TOM1L2: variants seen among roughly 807,000 people sequenced by gnomAD.
The protein encoded by TOM1L2 is TOM1-like protein 2.
A neutral mutation model predicts 67.9 loss-of-function variants in TOM1L2; 31 were observed. The ratio of observed to expected loss-of-function variants is 0.46; its 90% CI spans 0.34 to 0.62. The LOEUF is 0.62. Among genes scored for constraint, TOM1L2 ranks in the 20% least tolerant of loss-of-function variants. TOM1L2 has a pLI of 0.01. For missense variants in TOM1L2, 606 were observed against 663.5 expected (o/e 0.91, Z 0.95); for synonymous variants, 256 against 254.0 (o/e 1.01, Z -0.07).
At chr17:17,855,545 G>A (rs1402286297) in intron 12 of TOM1L2, among the ~76,000 whole-genome samples, 2 of 152,162 alleles carry the variant, frequency 1.3e-5, no homozygotes, top group Middle Eastern at 3.2e-3. Context: ...CCTGAGAGCC[G>A]CCCGGCCCTA....
chr17:17,855,969 A>G (rs1455714999), intron 12 of TOM1L2, among the ~76,000 whole-genome samples: 5 of 152,154 alleles, frequency 3.3e-5, no homozygotes, highest in Non-Finnish European at 7.4e-5. Flanking sequence ...AAAGAAAAAA[A>G]AAAAAACAAA....
chr17:17,894,852 A>G (rs1203761907), intron 3 of TOM1L2, among the ~76,000 whole-genome samples: 1 of 152,070 alleles, frequency 6.6e-6, no homozygotes, highest in Non-Finnish European at 1.5e-5. Context: ...AATCGCTTGA[A>G]CCTGGGAGGT....
At chr17:17,860,714 T>A (rs537837675) in intron 12 of TOM1L2, among the ~76,000 whole-genome samples, 6 of 152,344 alleles carry the variant, frequency 3.9e-5, no homozygotes, top group African/African-American at 9.6e-5. Context: ...CAAACAGACG[T>A]GCATTCATAC....
At chr17:17,956,983 C>T (rs1007741973) in intron 1 of TOM1L2, among the ~76,000 whole-genome samples, 2 of 152,192 alleles carry the variant, frequency 1.3e-5, no homozygotes, top group African/African-American at 4.8e-5. Flanking sequence ...GCTGAGGAGG[C>T]GCCTGAGAGC....
intron 1 of TOM1L2, among the ~76,000 whole-genome samples, chr17:17,951,308 G>C (rs2041198473): frequency 6.6e-6 from 1 of 152,134 alleles, no homozygotes; most frequent in African/African-American, 2.4e-5. Context: ...AGATTTAGAG[G>C]AAACAGAATC....
At chr17:17,855,245 G>C (rs1453452441) in intron 12 of TOM1L2, among the ~76,000 whole-genome samples, 1 of 152,322 alleles carries the variant, frequency 6.6e-6, no homozygotes, top group East Asian at 1.9e-4. Flanking sequence ...GGAGAGGCAT[G>C]TCTGTCTGGT....
intron 1 of TOM1L2, among the ~76,000 whole-genome samples, chr17:17,961,664 G>A (rs2041683261): frequency 6.6e-6 from 1 of 152,086 alleles, no homozygotes. Context: ...ATGAGGTGAG[G>A]AGATCGAGAC....
intron 1 of TOM1L2, among the ~76,000 whole-genome samples, chr17:17,907,852 C>T (rs751640416): frequency 1.3e-5 from 2 of 152,198 alleles, no homozygotes. Flanking sequence ...TACCTAGGTT[C>T]AAATACAGGC....
In TOM1L2 at chr17:17,910,873, C is replaced by T. The variant is rs7218594; in HGVS notation, c.53-3342G>A. Among the ~76,000 whole-genome samples the T allele has an allele frequency of 2.6e-5, 4 of 152,288 alleles. 1 individual carries two copies. The South Asian group carries it at 8.3e-4, about 32-fold the overall frequency. On this transcript the variant is annotated intron_variant, in intron 1 of 14. Coordinates refer to ENST00000379504, the MANE Select transcript of TOM1L2 (RefSeq NM_001082968.2). ...CGTGAGCCACTGTGCCCAGCCCCAA[C>T]ACTCTTGATGGTTGGGGAGGTAGAT...
chr17:17,923,925 C>T (rs572036580), intron 1 of TOM1L2, among the ~76,000 whole-genome samples: 2 of 152,018 alleles, frequency 1.3e-5, no homozygotes, highest in Admixed American at 1.3e-4. Context: ...ATCATAAGGT[C>T]AGGAGTTTGA....
intron 1 of TOM1L2, among the ~76,000 whole-genome samples, chr17:17,925,635 A>T (rs1271482376): frequency 1.4e-5 from 2 of 146,908 alleles, no homozygotes; most frequent in Non-Finnish European, 3.0e-5. Flanking sequence ...TGAGCTCAGG[A>T]GTTCAAGACC....
At chr17:17,941,559 G>A (rs1334446452) in intron 1 of TOM1L2, among the ~76,000 whole-genome samples, 1 of 152,126 alleles carries the variant, frequency 6.6e-6, no homozygotes, top group African/African-American at 2.4e-5. Context: ...AAGCCACGAG[G>A]AGATATCCAC....
chr17:17,912,830 C>T (rs1199777134), intron 1 of TOM1L2, among the ~76,000 whole-genome samples: 1 of 152,034 alleles, frequency 6.6e-6, no homozygotes, highest in Non-Finnish European at 1.5e-5. Context: ...GAGGCCAAGG[C>T]AGGCGGCTGG....
At position 17,882,845 on chromosome 17, in the gene TOM1L2, G is replaced by A. The variant is rs148462085; in HGVS notation, c.520C>T (p.Pro174Ser). ...TGGGACCTGGGCATGGTCGCAGCTG[G>A]ATCCACTTCAGGGACACTCTGGCAT... The part of the protein sequence containing the change: ...TPQRSVPEVD[P>S]AATMPRSQSQ... Residue 174 changes from proline (P) to serine (S), a missense_variant, in exon 6 of 15, where the codon CCA becomes TCA. This residue lies in a region of TOM1L2 where 543 missense variants were observed against 554.0 expected (regional missense o/e 0.98). Coordinates refer to ENST00000379504, the MANE Select transcript of TOM1L2 (RefSeq NM_001082968.2). 3.7e-6 allele frequency: 6 copies of A among 1,614,144 alleles called. No homozygotes were observed. The highest frequency in any genetic ancestry group is 5.1e-6 in the Non-Finnish European group (6 of 1,180,016).
rs546189790 is a variant in TOM1L2, at chr17:17,866,436, T to C, written c.961-17A>G. The C allele has an allele frequency of 1.1e-5, 18 of 1,582,374 alleles. No individual in the cohort carries two copies. The South Asian group carries it at 1.5e-4, about 13-fold the overall frequency. ...ATTCAGTACCTGTCAGAACATGAGATTGGCCATAAGCCCCAGAACCCTGGA... is the reference window on the plus strand; with the variant it reads ...ATTCAGTACCTGTCAGAACATGAGACTGGCCATAAGCCCCAGAACCCTGGA... On this transcript the variant is annotated splice_polypyrimidine_tract_variant and intron_variant, in intron 9 of 14. Transcript: ENST00000379504.
intron 7 of TOM1L2, among the ~76,000 whole-genome samples, chr17:17,874,245 C>A (rs559131061): frequency 1.3e-5 from 2 of 151,228 alleles, no homozygotes; most frequent in East Asian, 3.9e-4. Context: ...TGAGCCACCA[C>A]GCCCAGCCAT....
chr17:17,918,882 A>C (rs932280113), intron 1 of TOM1L2, among the ~76,000 whole-genome samples: 13 of 152,332 alleles, frequency 8.5e-5, no homozygotes, highest in South Asian at 2.1e-4. Context: ...TCTTCATGTC[A>C]AGAAGGCCTG....
intron 1 of TOM1L2, among the ~76,000 whole-genome samples, chr17:17,969,053 TCTC>T (rs2041970547): frequency 6.7e-6 from 1 of 148,400 alleles, no homozygotes; most frequent in Non-Finnish European, 1.5e-5. Context: ...AGGGACCAGC[TCTC>T]CTTTTTTTTT....
intron 1 of TOM1L2, among the ~76,000 whole-genome samples, chr17:17,948,234 TTGA>T (rs1317078886): frequency 6.6e-6 from 1 of 152,216 alleles, no homozygotes; most frequent in Non-Finnish European, 1.5e-5. Flanking sequence ...CTGGATAATC[TTGA>T]TACCAAGATA....
Sources: gnomAD v4.1 joint callset for allele counts (sites outside exome capture counted in the v4.1 genomes callset) on GRCh38, gnomAD v4.1.1 for gene constraint, gnomAD v4.1.1 regional missense constraint, MANE v1.5 for transcripts, NCBI Gene and HGNC (gene_info 2026-07-23, HGNC 2026-07-21) for gene names.